Variants in GAD1 observed in about 807,000 individuals in gnomAD.
GAD1 encodes the protein glutamate decarboxylase 1, also known as 67 kDa glutamic acid decarboxylase.
GAD1 carries 35 observed loss-of-function variants against 75.2 expected under a neutral mutation model. The observed-to-expected ratio is 0.47, with a 90% CI of 0.36 to 0.62. The LOEUF is 0.62. Ranked by LOEUF, GAD1 falls within the 20% of genes least tolerant of loss-of-function variation. The pLI is 0.00. For missense variants in GAD1, 490 were observed against 758.5 expected, an observed-to-expected ratio of 0.65 and a Z score of 4.16; for synonymous variants, 257 against 271.9, an observed-to-expected ratio of 0.95 and a Z score of 0.54.
At chr2:170,843,522 A>T (rs2105797004) in intron 6 of GAD1, among the ~76,000 whole-genome samples, 1 of 152,180 alleles carries the variant, frequency 6.6e-6, no homozygotes, top group Non-Finnish European at 1.5e-5. Context: ...ATTTCCAATT[A>T]TCTTCACAGT....
intron 4 of GAD1, 174 bp downstream of exon 4, chr2:170,829,807 C>T: frequency 1.5e-6 from 1 of 678,712 alleles, no homozygotes; most frequent in South Asian, 1.9e-5. Context: ...TCCCTCCCTG[C>T]TGGCCAGGTC....
chr2:170,849,914 C>T (rs1702713315), intron 12 of GAD1, among the ~76,000 whole-genome samples: 1 of 152,242 alleles, frequency 6.6e-6, no homozygotes. Context: ...GGGCAGGACA[C>T]TCAGCTCCTA....
intron 10 of GAD1, 146 bp from the exon 11 acceptor site, chr2:170,847,530 A>G: frequency 1.4e-6 from 1 of 734,572 alleles, no homozygotes; most frequent in Non-Finnish European, 2.5e-6. Context: ...GAGCCAACAA[A>G]ACACTACTAG....
intron 1 of GAD1, chr2:170,817,960 C>G (rs951798010): frequency 6.5e-6 from 1 of 153,290 alleles, no homozygotes; most frequent in Non-Finnish European, 1.5e-5. Flanking sequence ...GCCTTTTTCC[C>G]CCTCTCACCT....
chr2:170,840,227 G>T (rs971367491), intron 6 of GAD1, among the ~76,000 whole-genome samples: 1 of 152,172 alleles, frequency 6.6e-6, no homozygotes, highest in African/African-American at 2.4e-5. Context: ...AAGGTACAGT[G>T]TTTGCACCTA....
chr2:170,838,382 TAG>T (rs1702424621), intron 6 of GAD1, among the ~76,000 whole-genome samples: 1 of 152,236 alleles, frequency 6.6e-6, no homozygotes, highest in African/African-American at 2.4e-5. Flanking sequence ...GACATCATAG[TAG>T]AGTTAATTAT....
chr2:170,830,801 G>A, intron 4 of GAD1, 149 bp from the exon 5 acceptor site: 1 of 972,786 alleles, frequency 1.0e-6, no homozygotes. Context: ...TTTTTCTGGA[G>A]ATGTGGTATA....
chr2:170,834,352 C>A (rs934974391), intron 5 of GAD1, among the ~76,000 whole-genome samples: 1 of 152,118 alleles, frequency 6.6e-6, no homozygotes, highest in African/African-American at 2.4e-5. Flanking sequence ...ATAGGCTCAG[C>A]CAAAATAATG....
chr2:170,846,362 G>A (rs151063679), intron 10 of GAD1, among the ~76,000 whole-genome samples: 4 of 152,294 alleles, frequency 2.6e-5, no homozygotes, highest in African/African-American at 7.2e-5. Context: ...TGAAGATATA[G>A]CCTAATTGAA....
At chr2:170,849,086 G>C (rs1402583806) in intron 11 of GAD1, 200 bp from the exon 12 acceptor site, 2 of 650,862 alleles carry the variant, frequency 3.1e-6, no homozygotes, top group Non-Finnish European at 2.8e-6. Flanking sequence ...CTAAAGTCCA[G>C]AGGAACTTTG....
intron 12 of GAD1, among the ~76,000 whole-genome samples, chr2:170,850,201 A>AGAG (rs1702719196): frequency 6.6e-6 from 1 of 152,224 alleles, no homozygotes; most frequent in Non-Finnish European, 1.5e-5. Flanking sequence ...TTATCAACTA[A>AGAG]GAGATTTGTC....
At chr2:170,851,902 T>G (rs369239100) in intron 12 of GAD1, among the ~76,000 whole-genome samples, 5 of 152,320 alleles carry the variant, frequency 3.3e-5, no homozygotes, top group African/African-American at 9.6e-5. Flanking sequence ...TTTAAATAAT[T>G]CTGCTAGGTA....
At chr2:170,857,157 A>G (rs577969717) in intron 15 of GAD1, 32 bp downstream of exon 15, 1 of 1,549,378 alleles carries the variant, frequency 6.5e-7, no homozygotes, top group African/African-American at 1.4e-5. Flanking sequence ...GGTACACAGT[A>G]TTTCCAGAAA....
intron 10 of GAD1, among the ~76,000 whole-genome samples, chr2:170,846,641 G>A (rs1296790455): frequency 2.6e-5 from 4 of 152,212 alleles, no homozygotes; most frequent in Admixed American, 2.0e-4. Flanking sequence ...ATTTGCTGGG[G>A]TCTTGGCACA....
At chr2:170,826,619 G>A (rs573454707) in intron 3 of GAD1, among the ~76,000 whole-genome samples, 2 of 151,368 alleles carry the variant, frequency 1.3e-5, no homozygotes, top group African/African-American at 2.4e-5. Flanking sequence ...AGCCTCATGA[G>A]CGCATCTCTG....
chr2:170,823,195 T>TGCGC (rs966487228), intron 3 of GAD1, among the ~76,000 whole-genome samples: 16 of 152,276 alleles, frequency 1.1e-4, no homozygotes, highest in Admixed American at 4.6e-4. Flanking sequence ...CGTCAGCTCC[T>TGCGC]GCGCGCGGGA....
At chr2:170,840,263 T>C (rs1702479865) in intron 6 of GAD1, among the ~76,000 whole-genome samples, 1 of 152,214 alleles carries the variant, frequency 6.6e-6, no homozygotes, top group African/African-American at 2.4e-5. Context: ...GCACAGTCAC[T>C]GTTGCTATTT....
chr2:170,856,304 T>C (rs543104208), intron 14 of GAD1, among the ~76,000 whole-genome samples: 9 of 152,350 alleles, frequency 5.9e-5, no homozygotes, highest in African/African-American at 1.9e-4. Flanking sequence ...GTTGGAACTA[T>C]TGCAATATCA....
chr2:170,840,288 T>G (rs1012420877), intron 6 of GAD1, among the ~76,000 whole-genome samples: 1 of 152,196 alleles, frequency 6.6e-6, no homozygotes, highest in East Asian at 1.9e-4. Flanking sequence ...CTTTCCTGAC[T>G]CTTTTATTTC....
Sources: gnomAD v4.1 joint callset for allele counts (sites outside exome capture counted in the v4.1 genomes callset) on GRCh38, gnomAD v4.1.1 for gene constraint, MANE v1.5 for transcripts, NCBI Gene and HGNC (gene_info 2026-07-23, HGNC 2026-07-21) for gene names.